EVI2B: variants seen among roughly 807,000 people sequenced by gnomAD.
EVI2B encodes ecotropic viral integration site 2B, also known as protein EVI2B.
In EVI2B, 4 loss-of-function variants were observed where a neutral mutation model predicts 6.6. That is an observed-to-expected ratio of 0.61 (90% CI 0.30 to 1.39). The LOEUF (loss-of-function observed/expected upper bound fraction) is 1.39. Among genes scored for constraint, EVI2B ranks in the 40% most tolerant of loss-of-function variants. EVI2B has a pLI of 0.08. For missense variants in EVI2B, 484 were observed against 516.6 expected, an observed-to-expected ratio of 0.94 and a Z score of 0.61; for synonymous variants, 181 against 186.8, an observed-to-expected ratio of 0.97 and a Z score of 0.25.
intron 1 of EVI2B, among the ~76,000 whole-genome samples, chr17:31,307,682 A>G (rs1052665167): frequency 3.3e-5 from 5 of 152,160 alleles, no homozygotes; most frequent in South Asian, 2.1e-4. Flanking sequence ...ACAATTTGCA[A>G]CTTTTGGTAT....
In EVI2B at chr17:31,305,206, G is replaced by A. The variant is rs2068681934; in HGVS notation, c.404C>T (p.Thr135Ile). Residue 135 changes from threonine (T) to isoleucine (I), a missense_variant, in exon 2 of 2, where the codon ACC (threonine) becomes ATC (isoleucine). Thr to Ile is a moderately conservative substitution (Grantham distance 89). Coordinates refer to ENST00000330927, the MANE Select transcript of EVI2B (RefSeq NM_006495.4). ...ARQLPSARTS[T>I]TQPPKSFVYT... ...GACAAATGACTTTGGTGGTTGTGTG[G>A]TAGAAGTACGGGCAGATGGTAGTTG... 4 of 1,614,174 alleles carry A rather than the reference G, an allele frequency of 2.5e-6. No homozygotes were observed. The highest frequency in any genetic ancestry group is 2.2e-5 in the East Asian group (1 of 44,884).
In EVI2B at chr17:31,304,864, G is replaced by T. The variant is rs2068666778; in HGVS notation, c.746C>A (p.Thr249Asn). The T allele has an allele frequency of 6.2e-7, 1 of 1,613,900 alleles. No homozygotes were observed. Among genetic ancestry groups the T allele is most frequent in the Non-Finnish European group, 8.5e-7 (1 of 1,179,984 alleles). ...GATGTTATCCATACAAATGTCAGGG[G>T]TTTCTCCATCAGCAAATGGAGATCT... ...AGRSPFADGE[T>N]PDICMDNIRE... Residue 249 changes from threonine to asparagine, a missense_variant, in exon 2 of 2, where the codon ACC becomes AAC. Physicochemically the swap from Thr to Asn is moderately conservative, Grantham distance 65. Coordinates refer to ENST00000330927, the MANE Select transcript of EVI2B (RefSeq NM_006495.4).
At chr17:31,313,720 A>ATGTG (rs1555625971) in intron 1 of EVI2B, among the ~76,000 whole-genome samples, 21 of 101,186 alleles carry the variant, frequency 2.1e-4, no homozygotes, top group African/African-American at 5.3e-4. Context: ...AAAAAAAAAA[A>ATGTG]TATGTGTGTG....
chr17:31,311,407 A>G (rs991726632), intron 1 of EVI2B, among the ~76,000 whole-genome samples: 2 of 152,318 alleles, frequency 1.3e-5, no homozygotes, highest in African/African-American at 4.8e-5. Flanking sequence ...ACAAGTATAG[A>G]TAGCTGTATC....
At chr17:31,308,338 AC>A (rs1384106390) in intron 1 of EVI2B, among the ~76,000 whole-genome samples, 2 of 151,924 alleles carry the variant, frequency 1.3e-5, no homozygotes, top group African/African-American at 4.8e-5. Flanking sequence ...ACAGGGTTTC[AC>A]CATGTTGTCC....
At chr17:31,309,672 G>T (rs2068817304) in intron 1 of EVI2B, among the ~76,000 whole-genome samples, 1 of 152,134 alleles carries the variant, frequency 6.6e-6, no homozygotes, top group African/African-American at 2.4e-5. Flanking sequence ...AAACCATACG[G>T]TTCCTCTTTT....
chr17:31,306,290 TTC>T (rs1438670111), intron 1 of EVI2B, among the ~76,000 whole-genome samples: 2 of 152,186 alleles, frequency 1.3e-5, no homozygotes, highest in African/African-American at 2.4e-5. Flanking sequence ...AAGATTTTAG[TTC>T]TCAGCTTTAT....
At chr17:31,306,948 A>G (rs527698252) in intron 1 of EVI2B, among the ~76,000 whole-genome samples, 9 of 152,226 alleles carry the variant, frequency 5.9e-5, no homozygotes, top group African/African-American at 2.2e-4. Flanking sequence ...CCAGGAGTTC[A>G]AGAACAGCAT....
At chr17:31,307,970 A>C (rs2151513214) in intron 1 of EVI2B, 1 of 1,247,828 alleles carries the variant, frequency 8.0e-7, no homozygotes, top group Non-Finnish European at 1.0e-6. Flanking sequence ...CTGTTTTAGT[A>C]GAAGAAAAGA....
At chr17:31,308,899 C>T (rs961201288) in intron 1 of EVI2B, among the ~76,000 whole-genome samples, 2 of 152,198 alleles carry the variant, frequency 1.3e-5, no homozygotes, top group Non-Finnish European at 2.9e-5. Flanking sequence ...TTCACATTTT[C>T]CTATACCTAC....
intron 1 of EVI2B, among the ~76,000 whole-genome samples, chr17:31,311,917 T>G (rs1030730297): frequency 9.9e-5 from 15 of 152,208 alleles, no homozygotes; most frequent in African/African-American, 3.6e-4. Context: ...ATAACACTTG[T>G]AGGTAGTCTT....
intron 1 of EVI2B, among the ~76,000 whole-genome samples, chr17:31,307,116 A>G (rs2151512295): frequency 6.6e-6 from 1 of 152,036 alleles, no homozygotes; most frequent in South Asian, 2.1e-4. Flanking sequence ...TCCGCTTCCC[A>G]GGTTCAACTG....
rs1308099729 is a variant in EVI2B, at chr17:31,305,463, T to C, written c.147A>G (p.Gln49=). The C allele has an allele frequency of 6.2e-7, 1 of 1,614,226 alleles. No individual in the cohort carries two copies. Among genetic ancestry groups the C allele is most frequent in the Non-Finnish European group, 8.5e-7 (1 of 1,180,034 alleles). ...SSMSQVLANS[Q]NTTGNPLGQP... is the part of the protein sequence containing the mutation. ...GACCCAAAGGATTCCCTGTTGTGTT[T>C]TGAGAATTAGCCAATACCTGTGACA... The change falls in exon 2 of 2, where the codon CAA becomes CAG. Residue 49 remains glutamine, a synonymous_variant. Transcript: ENST00000330927.
intron 1 of EVI2B, among the ~76,000 whole-genome samples, chr17:31,310,652 A>G (rs970612626): frequency 6.6e-6 from 1 of 151,362 alleles, no homozygotes; most frequent in Non-Finnish European, 1.5e-5. Flanking sequence ...TTTTTCCCTG[A>G]CACTATCCAG....
chr17:31,305,353 T>G lies in EVI2B; in HGVS notation c.257A>C (p.Tyr86Ser). ...VTAGQPTPAV[Y>S]TSSEKPEAHT... ...TGCTTCTGGTTTTTCAGAAGAGGTA[T>G]AGACAGCTGGTGTTGGTTGTCCAGC... Residue 86 changes from tyrosine to serine, a missense_variant, in exon 2 of 2, where the codon TAT (tyrosine) becomes TCT (serine). Transcript: ENST00000330927. 2 of 1,614,144 alleles carry G rather than the reference T, an allele frequency of 1.2e-6. No homozygotes were observed. The highest frequency in any genetic ancestry group is 1.7e-6 in the Non-Finnish European group (2 of 1,180,022).
intron 1 of EVI2B, 68 bp downstream of exon 1, chr17:31,313,910 TA>T: frequency 2.5e-6 from 1 of 396,474 alleles, no homozygotes; most frequent in Non-Finnish European, 4.4e-6. Context: ...TTTAAAACAC[TA>T]ATGACAGTTT....
chr17:31,310,261 G>A (rs997840172), intron 1 of EVI2B, among the ~76,000 whole-genome samples: 2 of 151,610 alleles, frequency 1.3e-5, no homozygotes, highest in Non-Finnish European at 2.9e-5. Context: ...TAACACAAAA[G>A]AGAAAAAACA....
chr17:31,311,489 A>G (rs977800139), intron 1 of EVI2B, among the ~76,000 whole-genome samples: 1 of 152,210 alleles, frequency 6.6e-6, no homozygotes, highest in Non-Finnish European at 1.5e-5. Flanking sequence ...ATTATCTCTA[A>G]CTAGTGAAGT....
chr17:31,313,900 T>C (rs1597812666), intron 1 of EVI2B, 79 bp downstream of exon 1: 1 of 395,638 alleles, frequency 2.5e-6, no homozygotes, highest in African/African-American at 2.1e-5. Context: ...AGAGTTTAAG[T>C]TTAAAACACT....
Sources: gnomAD v4.1 joint callset for allele counts (sites outside exome capture counted in the v4.1 genomes callset) on GRCh38, gnomAD v4.1.1 for gene constraint, MANE v1.5 for transcripts, NCBI Gene and HGNC (gene_info 2026-07-23, HGNC 2026-07-21) for gene names.